Variants in NAALADL2 observed in about 807,000 individuals in gnomAD.
The protein encoded by NAALADL2 is N-acetylated alpha-linked acidic dipeptidase like 2, also known as inactive N-acetylated-alpha-linked acidic dipeptidase-like protein 2.
Under a neutral mutation model 87.2 loss-of-function variants are expected in NAALADL2, and 76 were observed. The ratio of observed to expected loss-of-function variants is 0.87; its 90% confidence interval spans 0.72 to 1.05. NAALADL2 has a LOEUF of 1.05. Ranked by LOEUF, NAALADL2 falls within the 50% of genes least tolerant of loss-of-function variation. The probability of loss-of-function intolerance (pLI) is 0.00; values close to 1 mark genes in which losing one functional copy is unlikely to be tolerated. For synonymous variants in NAALADL2, 354 were observed against 331.0 expected, an observed-to-expected ratio of 1.07 and a Z score of -0.75; for missense variants, 1,089 against 945.8, an observed-to-expected ratio of 1.15 and a Z score of -1.99.
chr3:174,602,228 A>G (rs1718524922), intron 2 of NAALADL2, among the ~76,000 whole-genome samples: 1 of 152,150 alleles, frequency 6.6e-6, no homozygotes, highest in African/African-American at 2.4e-5. Flanking sequence ...GCACATTTTA[A>G]CAATATTGAT....
intron 11 of NAALADL2, among the ~76,000 whole-genome samples, chr3:175,729,972 T>C (rs1234971541): frequency 1.3e-5 from 2 of 152,104 alleles, no homozygotes; most frequent in African/African-American, 4.8e-5. Context: ...AAACTATGGT[T>C]ACTTTAATCT....
intron 5 of NAALADL2, among the ~76,000 whole-genome samples, chr3:175,403,820 G>A (rs138614975): frequency 2.8e-4 from 43 of 152,074 alleles, no homozygotes; most frequent in African/African-American, 1.0e-3. Context: ...TTCTAAACTC[G>A]CACGGCATTA....
At chr3:174,947,674 T>A (rs2108498261) in intron 1 of NAALADL2, among the ~76,000 whole-genome samples, 1 of 152,134 alleles carries the variant, frequency 6.6e-6, no homozygotes, top group African/African-American at 2.4e-5. Flanking sequence ...TTTTCTTTGG[T>A]CTTCTAGTAT....
At chr3:175,730,523 T>C (rs899631492) in intron 11 of NAALADL2, among the ~76,000 whole-genome samples, 5 of 146,376 alleles carry the variant, frequency 3.4e-5, no homozygotes, top group African/African-American at 5.0e-5. Flanking sequence ...TGTTGCCTTG[T>C]TGCCTCATAG....
intron 10 of NAALADL2, among the ~76,000 whole-genome samples, chr3:175,588,229 A>G (rs1389899310): frequency 6.6e-6 from 1 of 152,176 alleles, no homozygotes; most frequent in Non-Finnish European, 1.5e-5. Context: ...TTGGTCCCTA[A>G]GAAATGTGGA....
In NAALADL2 at chr3:175,599,159, T is replaced by C. The variant is rs148085150; in HGVS notation, c.1800+22972T>C. 4.5e-4 allele frequency among the ~76,000 whole-genome samples: 69 copies of C among 152,206 alleles called. 1 individual carries two copies. The highest frequency in any genetic ancestry group is 1.1e-3 in the African/African-American group (47 of 41,534). ...AACTATGAAAATTACTGCTAATGAA[T>C]TTACGCTGGCATATAGGTACTGTAG... On this transcript the variant is annotated intron_variant, in intron 10 of 13. Coordinates refer to ENST00000454872, the MANE Select transcript of NAALADL2 (RefSeq NM_207015.3).
In NAALADL2 at chr3:174,607,055, C is replaced by G. The variant is rs1224532191; in HGVS notation, c.-115+56418C>G. Among the ~76,000 whole-genome samples the G allele has an allele frequency of 3.9e-5, 6 of 152,070 alleles. No individual in the cohort carries two copies. In the East Asian group the frequency reaches 1.2e-3, roughly 29 times the overall value. ...GAATTTTCAATCCAGAATTTCATATCCAGCCAAACTAAGCTTCATAAGTGA... is the reference window on the plus strand; with the variant it reads ...GAATTTTCAATCCAGAATTTCATATGCAGCCAAACTAAGCTTCATAAGTGA... On this transcript the variant is annotated intron_variant, in intron 2 of 3. Coordinates refer to the NAALADL2 transcript ENST00000434257.
chr3:175,148,259 T>C (rs1229313079), intron 2 of NAALADL2, among the ~76,000 whole-genome samples: 2 of 151,876 alleles, frequency 1.3e-5, no homozygotes, highest in African/African-American at 2.4e-5. Context: ...TTTTGAGAAG[T>C]GTCTGCTCAT....
intron 1 of NAALADL2, among the ~76,000 whole-genome samples, chr3:174,505,507 A>G (rs918268536): frequency 6.6e-6 from 1 of 152,166 alleles, no homozygotes; most frequent in African/African-American, 2.4e-5. Flanking sequence ...GTTTCATTCT[A>G]TTTTCTTAAG....
chr3:174,867,914 C>T (rs2109586092), intron 1 of NAALADL2, among the ~76,000 whole-genome samples: 1 of 152,078 alleles, frequency 6.6e-6, no homozygotes, highest in East Asian at 1.9e-4. Flanking sequence ...GTTACAGTGA[C>T]TCTCGTTGGA....
intron 13 of NAALADL2, among the ~76,000 whole-genome samples, chr3:175,755,891 G>A (rs1223145754): frequency 6.6e-6 from 1 of 152,114 alleles, no homozygotes; most frequent in African/African-American, 2.4e-5. Context: ...AACAACTGAG[G>A]AATTAGGCTT....
chr3:174,781,826 G>A (rs1578903738), intron 3 of NAALADL2, among the ~76,000 whole-genome samples: 1 of 152,196 alleles, frequency 6.6e-6, no homozygotes, highest in East Asian at 1.9e-4. Context: ...GGCAGACCTT[G>A]TGCAAGGGAG....
intron 13 of NAALADL2, among the ~76,000 whole-genome samples, chr3:175,788,758 G>T (rs1035801497): frequency 5.3e-5 from 8 of 152,108 alleles, no homozygotes; most frequent in African/African-American, 1.9e-4. Context: ...ATATTTCTTA[G>T]AAAACAATGT....
intron 2 of NAALADL2, among the ~76,000 whole-genome samples, chr3:174,640,780 G>A (rs1371641924): frequency 1.3e-5 from 2 of 152,194 alleles, no homozygotes; most frequent in East Asian, 1.9e-4. Flanking sequence ...TTGCTGGGCT[G>A]GCATTGCTTG....
chr3:175,737,479 T>C, intron 12 of NAALADL2, 80 bp downstream of exon 12: 1 of 848,520 alleles, frequency 1.2e-6, no homozygotes, highest in Admixed American at 1.9e-5. Context: ...GATGAAGTCA[T>C]CAATGATCTT....
chr3:175,307,581 AT>A (rs1444581013), intron 4 of NAALADL2, among the ~76,000 whole-genome samples: 2 of 152,108 alleles, frequency 1.3e-5, no homozygotes, highest in East Asian at 1.9e-4. Context: ...CACTGTAAGC[AT>A]TTTTTGTCTT....
intron 4 of NAALADL2, among the ~76,000 whole-genome samples, chr3:175,262,572 G>A (rs925504441): frequency 5.3e-5 from 5 of 94,324 alleles, no homozygotes; most frequent in South Asian, 8.8e-4. Flanking sequence ...TTCATGTTGT[G>A]TGAGTGTGTG....
intron 9 of NAALADL2, among the ~76,000 whole-genome samples, chr3:175,543,512 C>A (rs1288541214): frequency 6.6e-6 from 1 of 152,062 alleles, no homozygotes; most frequent in Non-Finnish European, 1.5e-5. Context: ...CTCACATGTC[C>A]ACATGGCTGG....
chr3:174,898,469 C>G (rs1247647292), intron 1 of NAALADL2, among the ~76,000 whole-genome samples: 1 of 151,832 alleles, frequency 6.6e-6, no homozygotes, highest in East Asian at 1.9e-4. Flanking sequence ...TCAATAATAA[C>G]TTAATGGTAT....
Sources: allele counts gnomAD v4.1 joint callset (sites outside exome capture counted in the v4.1 genomes callset), GRCh38; gene constraint gnomAD v4.1.1; transcripts MANE v1.5; gene names NCBI Gene and HGNC (gene_info 2026-07-23, HGNC 2026-07-21).